The following CDH23 variants were observed in gnomAD, a reference collection of about 807,000 sequenced individuals.
The protein encoded by CDH23 is cadherin-23.
In CDH23, 189 loss-of-function variants were observed where a neutral mutation model predicts 317.1. That is an observed-to-expected ratio of 0.60 (90% CI 0.53 to 0.67). The LOEUF (loss-of-function observed/expected upper bound fraction) is 0.67. Ranked by LOEUF, CDH23 falls within the 30% of genes least tolerant of loss-of-function variation. CDH23 has a pLI of 0.00. For synonymous variants in CDH23, 1,839 were observed against 1,876.8 expected, an observed-to-expected ratio of 0.98 and a Z score of 0.52; for missense variants, 4,401 against 4,592.4, an observed-to-expected ratio of 0.96 and a Z score of 1.20.
chr10:71,550,559 C>CAAAA lies in CDH23; in HGVS notation c.430-16168_430-16165dup, dbSNP rs1222399834. On this transcript the variant is annotated intron_variant, in intron 6 of 69. Transcript: ENST00000224721. The stretch of plus-strand genomic sequence containing the variant: ...TGGGCAACAGAGTGAGACCCTGTCT[C>CAAAA]AAAAAAAAAAAAAAAAAAGAAAAAA... 1.7e-4 allele frequency among the ~76,000 whole-genome samples: 8 copies of CAAAA among 45,748 alleles called. 2 individuals are homozygous for CAAAA. The highest frequency in any genetic ancestry group is 6.5e-4 in the African/African-American group (7 of 10,838). 30.0% of individuals were successfully genotyped at this position (45,748 alleles called of 152,430 possible). A position where few individuals can be genotyped will look rare whatever the true frequency, so the allele number is the denominator to read the frequency against.
intron 6 of CDH23, among the ~76,000 whole-genome samples, chr10:71,523,776 G>A (rs966972051): frequency 1.3e-5 from 2 of 152,140 alleles, no homozygotes; most frequent in South Asian, 2.1e-4. Flanking sequence ...ATGTGCCAGG[G>A]ATGTTGCAAA....
intron 1 of CDH23, among the ~76,000 whole-genome samples, chr10:71,425,737 G>A (rs1219126974): frequency 6.6e-6 from 1 of 152,242 alleles, no homozygotes; most frequent in East Asian, 1.9e-4. Context: ...CTGATCCTCA[G>A]GGTCAAGTTG....
At chr10:71,546,641 C>T (rs986157918) in intron 6 of CDH23, among the ~76,000 whole-genome samples, 8 of 152,118 alleles carry the variant, frequency 5.3e-5, no homozygotes, top group African/African-American at 1.9e-4. Context: ...AGTAGGTGCA[C>T]GGTCATTATT....
intron 3 of CDH23, among the ~76,000 whole-genome samples, chr10:71,462,840 G>A (rs370873836): frequency 2.0e-5 from 3 of 152,206 alleles, no homozygotes; most frequent in South Asian, 2.1e-4. Flanking sequence ...AACAGTCCTA[G>A]GTCGGCCTCA....
chr10:71,425,642 C>G (rs1028652668), intron 1 of CDH23, among the ~76,000 whole-genome samples: 1 of 152,186 alleles, frequency 6.6e-6, no homozygotes, highest in African/African-American at 2.4e-5. Context: ...CTCACTTTCA[C>G]TCCTTGCAGC....
At chr10:71,562,514 G>A (rs542756695) in intron 6 of CDH23, among the ~76,000 whole-genome samples, 2 of 152,320 alleles carry the variant, frequency 1.3e-5, no homozygotes, top group Non-Finnish European at 2.9e-5. Flanking sequence ...GCGCTAAAGA[G>A]GTAGAGTCCC....
At chr10:71,746,358 C>G (rs562107577) in intron 38 of CDH23, among the ~76,000 whole-genome samples, 1 of 152,368 alleles carries the variant, frequency 6.6e-6, no homozygotes, top group South Asian at 2.1e-4. Flanking sequence ...CTCGTCCCCC[C>G]AGGTTCCTGA....
intron 6 of CDH23, among the ~76,000 whole-genome samples, chr10:71,560,296 G>A (rs1463682724): frequency 6.6e-6 from 1 of 152,164 alleles, no homozygotes; most frequent in African/African-American, 2.4e-5. Flanking sequence ...TCCAATGGGA[G>A]CCCATTTTCT....
At chr10:71,713,204 C>T in intron 28 of CDH23, 2 of 779,224 alleles carry the variant, frequency 2.6e-6, no homozygotes, top group Non-Finnish European at 2.4e-6. Flanking sequence ...TCACAGAGCC[C>T]TTGGCCGAGG....
intron 31 of CDH23, 139 bp downstream of exon 31, chr10:71,730,743 T>C: frequency 7.8e-7 from 1 of 1,290,140 alleles, no homozygotes; most frequent in South Asian, 1.4e-5. Flanking sequence ...GAGGGGCTGC[T>C]GGGATGGTCT....
intron 46 of CDH23, chr10:71,790,886 G>A: frequency 5.3e-6 from 3 of 566,546 alleles, no homozygotes; most frequent in Admixed American, 6.1e-5. Flanking sequence ...TCCCAGGCAA[G>A]AGTCTTGAAG....
intron 3 of CDH23, among the ~76,000 whole-genome samples, chr10:71,505,576 C>T (rs1406407910): frequency 6.6e-6 from 1 of 152,152 alleles, no homozygotes; most frequent in Admixed American, 6.6e-5. Flanking sequence ...CTCGGGAGAA[C>T]ACTCACAGGC....
At chr10:71,676,399 G>T (rs950466055) in intron 15 of CDH23, among the ~76,000 whole-genome samples, 1 of 151,528 alleles carries the variant, frequency 6.6e-6, no homozygotes, top group East Asian at 2.0e-4. Context: ...GGCTGAGGAG[G>T]GTGGATCACC....
At chr10:71,530,034 GACACACACACACACACACAC>G (rs57652121) in intron 6 of CDH23, among the ~76,000 whole-genome samples, 1 of 140,832 alleles carries the variant, frequency 7.1e-6, no homozygotes, top group Non-Finnish European at 1.5e-5. Context: ...CACACATACA[GACACACACACACACACACAC>G]ACACACACAC....
chr10:71,618,720 C>T (rs1249040114), intron 11 of CDH23, among the ~76,000 whole-genome samples: 1 of 152,122 alleles, frequency 6.6e-6, no homozygotes, highest in Non-Finnish European at 1.5e-5. Context: ...CCCCTCTGCC[C>T]ACGTCTCTTG....
At chr10:71,458,145 C>T (rs1483184826) in intron 3 of CDH23, among the ~76,000 whole-genome samples, 1 of 152,254 alleles carries the variant, frequency 6.6e-6, no homozygotes, top group Non-Finnish European at 1.5e-5. Flanking sequence ...CTCCCCTCAT[C>T]AGGACTGTTC....
intron 6 of CDH23, among the ~76,000 whole-genome samples, chr10:71,537,289 C>T (rs567586987): frequency 2.0e-5 from 3 of 152,174 alleles, no homozygotes; most frequent in African/African-American, 7.2e-5. Context: ...CAAATCATAA[C>T]GAGAAAGTCA....
chr10:71,809,509 G>C (rs1280167161), intron 60 of CDH23, among the ~76,000 whole-genome samples: 1 of 152,152 alleles, frequency 6.6e-6, no homozygotes, highest in African/African-American at 2.4e-5. Context: ...ACATGTGTTT[G>C]AAAGAGAGAG....
At chr10:71,813,204 G>A in intron 68 of CDH23, 40 bp from the exon 69 acceptor site, 4 of 1,532,568 alleles carry the variant, frequency 2.6e-6, no homozygotes, top group Admixed American at 3.9e-5. Flanking sequence ...GGGCAGGCAG[G>A]GGAGGGCCTT....
Sources: gnomAD v4.1 joint callset for allele counts (sites outside exome capture counted in the v4.1 genomes callset) on GRCh38, gnomAD v4.1.1 for gene constraint, MANE v1.5 for transcripts, NCBI Gene and HGNC (gene_info 2026-07-23, HGNC 2026-07-21) for gene names.